ERCC6: variants seen among roughly 807,000 people sequenced by gnomAD.
ERCC6 encodes the protein DNA excision repair protein ERCC-6.
In ERCC6, 116 loss-of-function variants were observed where a neutral mutation model predicts 158.7. The observed-to-expected ratio is 0.73, with a 90% CI of 0.63 to 0.85. ERCC6 has a LOEUF of 0.85. ERCC6 is among the 40% of genes least tolerant of loss of function. The pLI is 0.00. For missense variants in ERCC6, 1,698 were observed against 1,799.4 expected (o/e 0.94, Z 1.02); for synonymous variants, 678 against 659.3 (o/e 1.03, Z -0.43).
intron 18 of ERCC6, among the ~76,000 whole-genome samples, chr10:49,464,324 A>C (rs1475109817): frequency 2.6e-5 from 4 of 152,198 alleles, no homozygotes; most frequent in Admixed American, 2.6e-4. Context: ...TGGCGGAAGA[A>C]ATTTCTAAGC....
intron 1 of ERCC6, among the ~76,000 whole-genome samples, chr10:49,533,826 GATTA>G (rs2132641628): frequency 6.6e-6 from 1 of 151,814 alleles, no homozygotes; most frequent in African/African-American, 2.4e-5. Flanking sequence ...TTTTTTAAAA[GATTA>G]ATTAAAATAT....
At chr10:49,523,281 T>C (rs529053097) in intron 5 of ERCC6, among the ~76,000 whole-genome samples, 3 of 152,282 alleles carry the variant, frequency 2.0e-5, no homozygotes, top group Admixed American at 1.3e-4. Context: ...TGGGCCACCA[T>C]GGGGAGGCCT....
the ERCC6 span, among the ~76,000 whole-genome samples, chr10:49,448,181 T>C: frequency 6.6e-6 from 1 of 152,226 alleles, no homozygotes; most frequent in African/African-American, 2.4e-5. Flanking sequence ...TGCTTATCCA[T>C]GTCCTTGTCA....
At position 49,470,348 on chromosome 10, in the gene ERCC6, T is replaced by C; in HGVS notation, c.3612A>G (p.Gln1204=). 2 of 1,614,212 alleles carry C rather than the reference T, an allele frequency of 1.2e-6. No homozygotes were observed. The highest frequency in any genetic ancestry group is 1.7e-6 in the Non-Finnish European group (2 of 1,180,010). The change falls in exon 18 of 21, where the codon CAA becomes CAG. Residue 1204 remains glutamine (Q), a synonymous_variant. Transcript: ENST00000355832. ...ETLEKHLRPK[Q]KPKNSKHCRD... ...TGCAATGCTTAGAGTTCTTAGGCTT[T>C]TGCTTTGGTCTCAGATGTTTCTCCA...
rs1231836039 is a variant in ERCC6 at position 49,456,579 on chromosome 10, C to A, written c.*2236G>T. ...GCTGTACTTAGCTGTGGAACAGGTG[C>A]AAGATGGTGTGGGGGTGGGGAGGCA... On this transcript the variant is annotated 3_prime_UTR_variant, in exon 21 of 21. Coordinates refer to ENST00000355832, the MANE Select transcript of ERCC6 (RefSeq NM_000124.4). 1 of 152,114 alleles carries A rather than the reference C, an allele frequency of 6.6e-6. No individual in the cohort carries two copies. Among genetic ancestry groups the A allele is most frequent in the Non-Finnish European group, 1.5e-5 (1 of 68,014 alleles). The allele number at this position is 152,114 out of a possible 1,614,324, so 9.4% of individuals were successfully genotyped here.
At chr10:49,488,102 T>C (rs1851106600) in intron 8 of ERCC6, 1 of 198,550 alleles carries the variant, frequency 5.0e-6, no homozygotes, top group Non-Finnish European at 1.1e-5. Flanking sequence ...GTAAAATATG[T>C]AACCTCTCCT....
At chr10:49,521,941 A>C (rs958534250) in intron 5 of ERCC6, among the ~76,000 whole-genome samples, 5 of 152,202 alleles carry the variant, frequency 3.3e-5, no homozygotes, top group African/African-American at 1.2e-4. Context: ...ATGGCTCTCA[A>C]GCTGAGAGAA....
intron 3 of ERCC6, among the ~76,000 whole-genome samples, chr10:49,530,449 C>T (rs575154829): frequency 6.6e-6 from 1 of 152,120 alleles, no homozygotes; most frequent in South Asian, 2.1e-4. Flanking sequence ...ATGGGTTTGT[C>T]GGGATGTAAC....
chr10:49,485,529 G>A (rs990680896), intron 8 of ERCC6, among the ~76,000 whole-genome samples: 10 of 152,100 alleles, frequency 6.6e-5, no homozygotes, highest in African/African-American at 2.2e-4. Flanking sequence ...ATTTTTAAAT[G>A]TTACTGTAAT....
At chr10:49,528,585 A>G (rs1837396630) in intron 3 of ERCC6, 60 bp from the exon 4 acceptor site, 45 of 1,586,892 alleles carry the variant, frequency 2.8e-5, no homozygotes, top group Non-Finnish European at 3.5e-5. Flanking sequence ...GTTAAATACA[A>G]AAGATAGCAT....
At chr10:49,443,363 A>G in the ERCC6 span, among the ~76,000 whole-genome samples, 11,159 of 152,334 alleles carry the variant, frequency 0.073, 572 homozygotes, top group Non-Finnish European at 0.11. Context: ...TTAGATATAT[A>G]CAATCATACA....
intron 5 of ERCC6, among the ~76,000 whole-genome samples, chr10:49,519,165 T>C (rs1837075701): frequency 6.6e-6 from 1 of 152,198 alleles, no homozygotes; most frequent in South Asian, 2.1e-4. Context: ...GGCAGCTATG[T>C]GTTGATTTTT....
At chr10:49,473,712 G>C (rs1318517991) in intron 13 of ERCC6, 125 bp from the exon 14 acceptor site, 1 of 761,458 alleles carries the variant, frequency 1.3e-6, no homozygotes, top group Non-Finnish European at 2.4e-6. Context: ...TCTTGCTTTA[G>C]GACAGATAAA....
chr10:49,482,079 C>T (rs535742997), intron 10 of ERCC6, among the ~76,000 whole-genome samples: 35 of 152,318 alleles, frequency 2.3e-4, no homozygotes, highest in Admixed American at 3.9e-4. Context: ...TTAGCTATGC[C>T]CCCACAAGCA....
intron 5 of ERCC6, chr10:49,517,246 T>A (rs1837006960): frequency 7.4e-7 from 1 of 1,347,488 alleles, no homozygotes; most frequent in Non-Finnish European, 9.8e-7. Context: ...TATTTTCTTT[T>A]TACCGCACAA....
rs776004687 is a variant in ERCC6, at chr10:49,472,919, G to A, written c.2819C>T (p.Thr940Met). 3.6e-5 allele frequency: 58 copies of A among 1,613,530 alleles called. No individual in the cohort carries two copies. In the Admixed American group the frequency reaches 4.7e-4, roughly 13 times the overall value. The change falls in exon 15 of 21, where the codon ACG (threonine) becomes ATG (methionine). Residue 940 changes from threonine (T) to methionine (M), a missense_variant. Transcript: ENST00000355832. ...AAAATAAAAACAAACCTGCGTGTCC[G>A]TGCTTGGGTTCCAGTCTGGGTCATA... is the stretch of plus-strand genomic sequence containing the variant. ...VIYDPDWNPS[T>M]DTQARERAWR... is the part of the protein sequence containing the mutation.
In ERCC6 at chr10:49,474,170, G is replaced by A. The variant is rs771424857; in HGVS notation, c.2455C>T (p.Leu819Phe). The change falls in exon 13 of 21, where the codon CTC becomes TTC. Residue 819 changes from leucine to phenylalanine, a missense_variant. By Grantham distance (22) the Leu-to-Phe change is conservative. Coordinates refer to ENST00000355832, the MANE Select transcript of ERCC6 (RefSeq NM_000124.4). The part of the protein sequence containing the change: ...PDLFSGGPKN[L>F]KGLPDDELEE... ...AGTTCATCATCAGGAAGACCTTTGAGATTCTTGGGACCTCCAGAAAAGAGA... is the reference window on the plus strand; with the variant it reads ...AGTTCATCATCAGGAAGACCTTTGAAATTCTTGGGACCTCCAGAAAAGAGA... 8.7e-6 allele frequency: 14 copies of A among 1,614,134 alleles called. No homozygotes were observed. In the Middle Eastern group the frequency reaches 1.5e-3, roughly 171 times the overall value.
At chr10:49,447,073 G>A in the ERCC6 span, among the ~76,000 whole-genome samples, 1 of 152,066 alleles carries the variant, frequency 6.6e-6, no homozygotes, top group African/African-American at 2.4e-5. Flanking sequence ...GAACACCAAT[G>A]ACAAACAGAT....
intron 10 of ERCC6, among the ~76,000 whole-genome samples, chr10:49,480,668 G>C (rs972584724): frequency 6.6e-6 from 1 of 152,182 alleles, no homozygotes; most frequent in African/African-American, 2.4e-5. Flanking sequence ...ACAGAGTTTA[G>C]ATCTGGCCAA....
Sources: gnomAD v4.1 joint callset for allele counts (sites outside exome capture counted in the v4.1 genomes callset) on GRCh38, gnomAD v4.1.1 for gene constraint, MANE v1.5 for transcripts, NCBI Gene and HGNC (gene_info 2026-07-23, HGNC 2026-07-21) for gene names.